The following XG variants were observed in gnomAD, a reference collection of about 807,000 sequenced individuals.
XG encodes glycoprotein Xg.
Under a neutral mutation model 25.7 loss-of-function variants are expected in XG, and 24 were observed. The observed-to-expected ratio is 0.93, with a 90% confidence interval of 0.68 to 1.31. The LOEUF (loss-of-function observed/expected upper bound fraction) is 1.31. Ranked by LOEUF, XG falls within the 40% of genes most tolerant of loss-of-function variation. XG has a pLI of 0.00. For missense variants in XG, 181 were observed against 187.6 expected (o/e 0.96, Z 0.21); for synonymous variants, 77 against 69.2 (o/e 1.11, Z -0.56).
At chrX:2,812,975 C>T (rs1296437314) in intron 10 of XG, among the ~76,000 whole-genome samples, 8 of 111,637 alleles carry the variant, frequency 7.2e-5, no homozygotes, top group African/African-American at 2.6e-4. Context: ...TATTTTAGTG[C>T]AATATTTTAG....
intron 1 of XG, among the ~76,000 whole-genome samples, chrX:2,757,777 G>A (rs1375525708): frequency 6.6e-6 from 1 of 151,614 alleles, no homozygotes; most frequent in Non-Finnish European, 1.5e-5. Context: ...TTTGAGACCA[G>A]CCTGGCCAAC....
chrX:2,761,749 G>C (rs1410307385), intron 1 of XG, among the ~76,000 whole-genome samples: 1 of 152,064 alleles, frequency 6.6e-6, no homozygotes, highest in East Asian at 1.9e-4. Flanking sequence ...CACACAGAGG[G>C]ATGACCACGT....
chrX:2,789,757 TTAC>T (rs749769584), intron 5 of XG, 51 bp downstream of exon 5: 21 of 680,611 alleles, frequency 3.1e-5, no homozygotes, highest in African/African-American at 2.7e-4. Context: ...TTATTTTATT[TTAC>T]TATTTTATTT....
intron 2 of XG, among the ~76,000 whole-genome samples, chrX:2,772,678 G>T (rs2050845059): frequency 6.6e-6 from 1 of 152,172 alleles, no homozygotes; most frequent in Admixed American, 6.5e-5. Flanking sequence ...CCATTGAATT[G>T]CACACTTTAA....
At chrX:2,770,036 T>TTG (rs2050782384) in intron 1 of XG, among the ~76,000 whole-genome samples, 2 of 43,336 alleles carry the variant, frequency 4.6e-5, no homozygotes, top group African/African-American at 8.6e-5. Context: ...GGGGGGGCGT[T>TTG]GGGGGGCGGG....
intron 1 of XG, among the ~76,000 whole-genome samples, chrX:2,767,877 C>T (rs1009163459): frequency 9.9e-5 from 15 of 152,152 alleles, no homozygotes; most frequent in Non-Finnish European, 1.8e-4. Context: ...GTGTGAGTCA[C>T]GCGTGCAGCA....
intron 10 of XG, 76 bp from the exon 11 acceptor site, chrX:2,814,288 G>A: frequency 9.1e-7 from 1 of 1,098,727 alleles, no homozygotes; most frequent in Non-Finnish European, 1.2e-6. Context: ...ATTGGATCTT[G>A]GTTTTCTTTT....
At chrX:2,794,703 G>A in intron 6 of XG, 100 bp downstream of exon 6, 2 of 969,562 alleles carry the variant, frequency 2.1e-6, no homozygotes, top group Non-Finnish European at 2.8e-6. Context: ...GGTTGGGGCA[G>A]AGTTGGTGAC....
intron 1 of XG, among the ~76,000 whole-genome samples, chrX:2,765,865 G>A (rs2050673034): frequency 6.6e-6 from 1 of 152,198 alleles, no homozygotes; most frequent in African/African-American, 2.4e-5. Flanking sequence ...GACTTTCTGG[G>A]GTCGTGGCCC....
At position 2,816,363 on chromosome X, in the gene XG, A is replaced by T. The variant is rs1279253149; in HGVS notation, c.*1983A>T. 1 of 112,104 alleles carries T rather than the reference A, an allele frequency of 8.9e-6. No individual in the cohort carries two copies. The highest frequency in any genetic ancestry group is 1.9e-5 in the Non-Finnish European group (1 of 53,254). The allele number at this position is 112,104 out of a possible 1,213,427, so 9.2% of individuals were successfully genotyped here. On this transcript the variant is annotated 3_prime_UTR_variant, in exon 11 of 11. Transcript: ENST00000644266. ...ACACAGGGCTGAACTGCACATGTCCACCTGTATGTGAGTTTGCTTCTGGCT... is the reference window on the plus strand; with the variant it reads ...ACACAGGGCTGAACTGCACATGTCCTCCTGTATGTGAGTTTGCTTCTGGCT...
At chrX:2,808,555 C>A (rs1157352623) in intron 9 of XG, 1 of 751,549 alleles carries the variant, frequency 1.3e-6, no homozygotes, top group African/African-American at 2.3e-5. Flanking sequence ...AACTTGAAAC[C>A]CAAGAAGGAC....
intron 1 of XG, among the ~76,000 whole-genome samples, chrX:2,761,331 C>T (rs914429744): frequency 3.3e-4 from 50 of 151,630 alleles, no homozygotes; most frequent in Non-Finnish European, 5.9e-4. Context: ...AGAAGAGAGG[C>T]CTCAGGAGGA....
At position 2,786,260 on chromosome X, in the gene XG, C is replaced by CTTTTTTTTTTTTTTTTTTTTTTTTTT. The variant is rs1179667048; in HGVS notation, c.191-3367_191-3366insTTTTTTTTTTTTTTTTTTTTTTTTTT. 5.9e-4 allele frequency among the ~76,000 whole-genome samples: 36 copies of CTTTTTTTTTTTTTTTTTTTTTTTTTT among 60,567 alleles called. 4 individuals carry two copies. Among genetic ancestry groups the CTTTTTTTTTTTTTTTTTTTTTTTTTT allele is most frequent in the African/African-American group, 1.4e-3 (20 of 14,217 alleles). 52.6% of individuals were successfully genotyped at this position (60,567 alleles called of 115,157 possible). ...CCCCAGCAGCTCCTATCCATGTTGTCTTTTTTTTTTTTTTTTTCAGACAGA... is the reference window on the plus strand; with the variant it reads ...CCCCAGCAGCTCCTATCCATGTTGTCTTTTTTTTTTTTTTTTTTTTTTTTTTTTTTTTTTTTTTTTTTTCAGACAGA... On this transcript the variant is annotated intron_variant, in intron 4 of 10. Coordinates refer to ENST00000644266, the MANE Select transcript of XG (RefSeq NM_001141919.2).
Position 2,778,733 on chromosome X carries a change from T to G in XG, c.128-3333T>G, listed in dbSNP as rs186393116. Among the ~76,000 whole-genome samples the G allele has an allele frequency of 3.5e-3, 538 of 151,962 alleles. 5 individuals carry two copies. Among genetic ancestry groups the G allele is most frequent in the African/African-American group, 0.012 (509 of 41,466 alleles). ...AGGCAGGACTGAGACAATTGGCTGT[T>G]CTTGTGGATGATACGTGATCAAATC... is the stretch of plus-strand genomic sequence containing the variant. On this transcript the variant is annotated intron_variant, in intron 3 of 10. Coordinates refer to ENST00000644266, the MANE Select transcript of XG (RefSeq NM_001141919.2).
chrX:2,762,156 C>T (rs867187667), intron 1 of XG, among the ~76,000 whole-genome samples: 19 of 152,152 alleles, frequency 1.2e-4, no homozygotes, highest in Admixed American at 5.9e-4. Context: ...GTATTTTCCT[C>T]GAGTTTTCCT....
At chrX:2,765,376 G>GGGAA (rs56267419) in intron 1 of XG, among the ~76,000 whole-genome samples, 11,931 of 144,028 alleles carry the variant, frequency 0.083, 1,382 homozygotes, top group African/African-American at 0.27. Context: ...GAGGGAGGGA[G>GGGAA]GGAAGGAAGG....
chrX:2,810,936 T>G (rs1408218111), intron 9 of XG, among the ~76,000 whole-genome samples: 1 of 80,255 alleles, frequency 1.2e-5, no homozygotes, highest in African/African-American at 7.6e-5. Context: ...AAGAAATAAA[T>G]AAATAAATAA....
At chrX:2,759,606 CTGTT>C (rs1190141023) in intron 1 of XG, among the ~76,000 whole-genome samples, 5 of 152,186 alleles carry the variant, frequency 3.3e-5, no homozygotes, top group Non-Finnish European at 5.9e-5. Flanking sequence ...AAGTCTATGG[CTGTT>C]TGGCACCTGA....
chrX:2,760,189 A>T (rs2050532542), intron 1 of XG, among the ~76,000 whole-genome samples: 2 of 151,978 alleles, frequency 1.3e-5, no homozygotes, highest in Admixed American at 1.3e-4. Flanking sequence ...CAGAAAAAAA[A>T]AATTAAGGAA....
Sources: allele counts gnomAD v4.1 joint callset (sites outside exome capture counted in the v4.1 genomes callset), GRCh38; gene constraint gnomAD v4.1.1; transcripts MANE v1.5; gene names NCBI Gene and HGNC (gene_info 2026-07-23, HGNC 2026-07-21).